Variants in PPP4R3B observed in about 807,000 individuals in gnomAD.
The protein encoded by PPP4R3B is protein phosphatase 4 regulatory subunit 3B.
PPP4R3B carries 52 observed loss-of-function variants against 95.4 expected under a neutral mutation model. The ratio of observed to expected loss-of-function variants is 0.54; its 90% CI spans 0.44 to 0.69. The LOEUF (loss-of-function observed/expected upper bound fraction) is 0.69. Among genes scored for constraint, PPP4R3B ranks in the 30% least tolerant of loss-of-function variants. PPP4R3B has a pLI of 0.00. For missense variants in PPP4R3B, 1,003 were observed against 1,005.9 expected (o/e 1.00, Z 0.04); for synonymous variants, 407 against 343.9 (o/e 1.18, Z -2.03).
At chr2:55,595,510 C>T (rs960398739) in intron 4 of PPP4R3B, among the ~76,000 whole-genome samples, 2 of 151,304 alleles carry the variant, frequency 1.3e-5, no homozygotes, top group Admixed American at 1.3e-4. Context: ...AACCAAGACT[C>T]GTGAAAATAT....
At chr2:55,556,292 G>A (rs1190533045) in intron 16 of PPP4R3B, among the ~76,000 whole-genome samples, 4 of 152,210 alleles carry the variant, frequency 2.6e-5, no homozygotes, top group Middle Eastern at 3.2e-3. Flanking sequence ...ATGTATAACA[G>A]ATGTATTCTG....
At chr2:55,563,887 T>G (rs1006443741) in intron 15 of PPP4R3B, among the ~76,000 whole-genome samples, 5 of 152,246 alleles carry the variant, frequency 3.3e-5, no homozygotes, top group Admixed American at 3.3e-4. Context: ...TATGTAACTT[T>G]TGTAATTTTA....
intron 2 of PPP4R3B, among the ~76,000 whole-genome samples, chr2:55,606,883 G>C (rs1693491142): frequency 6.6e-6 from 1 of 151,504 alleles, no homozygotes; most frequent in African/African-American, 2.4e-5. Context: ...CTTTTTGAGA[G>C]GGGTAACTTC....
chr2:55,615,391 G>T, intron 2 of PPP4R3B, 60 bp downstream of exon 2: 1 of 1,235,398 alleles, frequency 8.1e-7, no homozygotes, highest in Non-Finnish European at 1.2e-6. Context: ...ACCTTTGTCA[G>T]ATTAATACTT....
chr2:55,579,993 A>C (rs1689225372), intron 8 of PPP4R3B, among the ~76,000 whole-genome samples: 1 of 152,152 alleles, frequency 6.6e-6, no homozygotes, highest in African/African-American at 2.4e-5. Flanking sequence ...TATTCACTTT[A>C]ATCTTATTTC....
At chr2:55,614,115 CTGAT>C (rs1319918482) in intron 2 of PPP4R3B, 2 of 152,114 alleles carry the variant, frequency 1.3e-5, no homozygotes, top group African/African-American at 2.4e-5. Flanking sequence ...TTTCAAATAA[CTGAT>C]TAAGAATGTG....
intron 2 of PPP4R3B, among the ~76,000 whole-genome samples, chr2:55,604,620 C>A (rs1278609669): frequency 1.3e-5 from 2 of 151,906 alleles, no homozygotes; most frequent in Non-Finnish European, 2.9e-5. Flanking sequence ...GTGCTACCAA[C>A]AGCACCCAGT....
At position 55,585,900 on chromosome 2, in the gene PPP4R3B, C is replaced by T. The variant is rs1574812395; in HGVS notation, c.1116+718G>A. ...TAACACTGAGCCTTTGTCATTTTCA[C>T]TCTCATTCAATCACAAGTACAGTGG... On this transcript the variant is annotated intron_variant, in intron 6 of 16. Coordinates refer to ENST00000616407, the MANE Select transcript of PPP4R3B (RefSeq NM_001122964.3). Among the ~76,000 whole-genome samples the T allele has an allele frequency of 3.3e-5, 5 of 152,184 alleles. 2 individuals carry two copies. The highest frequency in any genetic ancestry group is 3.3e-4 in the Admixed American group (5 of 15,284).
In PPP4R3B at chr2:55,617,521, C is replaced by G; in HGVS notation, c.-236G>C. 2.3e-6 allele frequency: 1 copy of G among 425,950 alleles called. No homozygotes were observed. The highest frequency in any genetic ancestry group is 3.7e-5 in the East Asian group (1 of 27,044). 26.4% of individuals were successfully genotyped at this position (425,950 alleles called of 1,614,324 possible). ...CACTTCACCCGCGCATACACCCACT[C>G]TCCCGTCTCTTTGCCCCCCAGGGCT... On this transcript the variant is annotated 5_prime_UTR_variant, in exon 1 of 17. Coordinates refer to ENST00000616407, the MANE Select transcript of PPP4R3B (RefSeq NM_001122964.3).
At chr2:55,597,377 C>T (rs755976316) in intron 4 of PPP4R3B, among the ~76,000 whole-genome samples, 1 of 151,794 alleles carries the variant, frequency 6.6e-6, no homozygotes, top group Admixed American at 6.6e-5. Context: ...AATCCCAGCA[C>T]TTTGGGAGGC....
At chr2:55,613,397 C>T (rs1359617011) in intron 2 of PPP4R3B, among the ~76,000 whole-genome samples, 1 of 151,278 alleles carries the variant, frequency 6.6e-6, no homozygotes, top group Admixed American at 6.6e-5. Context: ...TTACAAAACC[C>T]CAAATAGTAT....
chr2:55,571,042 G>C (rs1021494541), intron 12 of PPP4R3B, among the ~76,000 whole-genome samples: 1 of 152,126 alleles, frequency 6.6e-6, no homozygotes, highest in Non-Finnish European at 1.5e-5. Flanking sequence ...TGGGTGCAGC[G>C]GTTCACACCT....
chr2:55,599,157 G>A (rs1296532035), intron 3 of PPP4R3B, 118 bp from the exon 4 acceptor site: 3 of 962,994 alleles, frequency 3.1e-6, no homozygotes, highest in Non-Finnish European at 3.0e-6. Flanking sequence ...TGAAGTCTAG[G>A]CCAGGCACGG....
At chr2:55,611,120 C>T (rs1411782642) in intron 2 of PPP4R3B, among the ~76,000 whole-genome samples, 1 of 152,120 alleles carries the variant, frequency 6.6e-6, no homozygotes, top group Non-Finnish European at 1.5e-5. Context: ...CCTCAGCCTC[C>T]CAAAGTGTTG....
At chr2:55,596,029 T>C (rs1320131508) in intron 4 of PPP4R3B, among the ~76,000 whole-genome samples, 2 of 152,168 alleles carry the variant, frequency 1.3e-5, no homozygotes, top group African/African-American at 2.4e-5. Flanking sequence ...ATAAATATAG[T>C]ATAAAACTCC....
chr2:55,591,328 T>TGG (rs35033560), intron 4 of PPP4R3B, among the ~76,000 whole-genome samples: 157 of 151,072 alleles, frequency 1.0e-3, no homozygotes, highest in African/African-American at 3.7e-3. Flanking sequence ...TTTGTACAGA[T>TGG]GGGGGGGTTT....
intron 12 of PPP4R3B, 47 bp from the exon 13 acceptor site, chr2:55,568,410 C>A (rs1326575735): frequency 6.9e-7 from 1 of 1,453,212 alleles, no homozygotes; most frequent in Non-Finnish European, 9.2e-7. Flanking sequence ...TTACTAAAAT[C>A]AATTATTATA....
At chr2:55,560,620 T>C (rs1038854943) in intron 15 of PPP4R3B, among the ~76,000 whole-genome samples, 34 of 151,562 alleles carry the variant, frequency 2.2e-4, no homozygotes, top group African/African-American at 7.8e-4. Flanking sequence ...CTACTAAAAA[T>C]ACAAAAATTA....
At chr2:55,565,672 T>C (rs1687199850) in intron 13 of PPP4R3B, 2 of 196,670 alleles carry the variant, frequency 1.0e-5, no homozygotes, top group Admixed American at 9.3e-5. Context: ...ATTTAATGAC[T>C]TCCTGTTTAA....
Sources: allele counts gnomAD v4.1 joint callset (sites outside exome capture counted in the v4.1 genomes callset), GRCh38; gene constraint gnomAD v4.1.1; transcripts MANE v1.5; gene names NCBI Gene and HGNC (gene_info 2026-07-23, HGNC 2026-07-21).